The following HMGN3 variants were observed in gnomAD, a reference collection of about 807,000 sequenced individuals.
The protein encoded by HMGN3 is high mobility group nucleosomal binding domain 3.
Under a neutral mutation model 18.8 loss-of-function variants are expected in HMGN3, and 6 were observed. That is an observed-to-expected ratio of 0.32 (90% CI 0.18 to 0.63). HMGN3 has a LOEUF of 0.63. HMGN3 is among the 30% of genes least tolerant of loss of function. The pLI is 0.79. For synonymous variants in HMGN3, 40 were observed against 36.5 expected, an observed-to-expected ratio of 1.10 and a Z score of -0.35; for missense variants, 107 against 114.2, an observed-to-expected ratio of 0.94 and a Z score of 0.29.
Position 79,208,548 on chromosome 6 carries a change from G to C in HMGN3, c.95C>G (p.Ala32Gly), listed in dbSNP as rs755149736. 1.9e-5 allele frequency: 31 copies of C among 1,608,782 alleles called. No homozygotes were observed. The East Asian group carries it at 6.7e-4, about 35-fold the overall frequency. The change falls in exon 3 of 6, where the codon GCG (alanine) becomes GGG (glycine). Residue 32 changes from alanine (A) to glycine (G), a missense_variant and splice_region_variant. Physicochemically the swap from Ala to Gly is moderately conservative, Grantham distance 60. Transcript: ENST00000344726. ...CTGAAGTGGTTCTAAGGTACTTACC[G>C]CTGACAATCTGGCAGACCGTCTTGT...
intron 2 of HMGN3, among the ~76,000 whole-genome samples, chr6:79,212,178 C>G (rs2127821528): frequency 6.6e-6 from 1 of 152,120 alleles, no homozygotes; most frequent in South Asian, 2.1e-4. Context: ...ATTTTTAGGA[C>G]TGTCATAAAA....
At chr6:79,201,560 CT>C in exon 6 of HMGN3, 1 of 661,274 alleles carries the variant, frequency 1.5e-6, no homozygotes. Flanking sequence ...AATGTCCATC[CT>C]TATATATTTT....
intron 3 of HMGN3, among the ~76,000 whole-genome samples, chr6:79,208,010 A>T (rs1038872712): frequency 6.6e-6 from 1 of 152,190 alleles, no homozygotes; most frequent in Non-Finnish European, 1.5e-5. Flanking sequence ...TCAGAGGCTC[A>T]GCCACATCTG....
At chr6:79,201,818 A>G in intron 5 of HMGN3, 92 bp from the exon 7 acceptor site, 6 of 1,528,744 alleles carry the variant, frequency 3.9e-6, no homozygotes, top group Non-Finnish European at 5.2e-6. Flanking sequence ...ACAGTTTTGA[A>G]CATTTGTTTT....
intron 3 of HMGN3, among the ~76,000 whole-genome samples, chr6:79,207,155 A>G (rs188609140): frequency 6.6e-6 from 1 of 152,230 alleles, no homozygotes; most frequent in East Asian, 1.9e-4. Flanking sequence ...TGCTGAAATG[A>G]ATTAAGATTT....
chr6:79,231,846 T>C (rs1375710138), intron 1 of HMGN3, among the ~76,000 whole-genome samples: 1 of 152,222 alleles, frequency 6.6e-6, no homozygotes, highest in Non-Finnish European at 1.5e-5. Context: ...AGTTTTAATG[T>C]TATTCAACTG....
intron 1 of HMGN3, among the ~76,000 whole-genome samples, chr6:79,215,645 T>TG (rs1465355944): frequency 6.6e-6 from 1 of 152,210 alleles, no homozygotes; most frequent in Non-Finnish European, 1.5e-5. Flanking sequence ...ATCCATCCCC[T>TG]GGGGCAGCAC....
chr6:79,212,428 T>C (rs1383794949), intron 2 of HMGN3, among the ~76,000 whole-genome samples: 2 of 152,200 alleles, frequency 1.3e-5, no homozygotes, highest in Non-Finnish European at 2.9e-5. Flanking sequence ...TTACTCTCTC[T>C]CCCACTAAAA....
intron 1 of HMGN3, among the ~76,000 whole-genome samples, chr6:79,222,461 C>T (rs753065006): frequency 6.6e-6 from 1 of 152,164 alleles, no homozygotes; most frequent in Non-Finnish European, 1.5e-5. Flanking sequence ...ATTCTCTCCA[C>T]AAATGAGGGC....
At chr6:79,232,689 A>C (rs1429602973) in intron 1 of HMGN3, among the ~76,000 whole-genome samples, 2 of 152,186 alleles carry the variant, frequency 1.3e-5, no homozygotes, top group Middle Eastern at 3.4e-3. Flanking sequence ...CCTTGAATAA[A>C]CAGCAAGGAA....
At chr6:79,222,400 C>G (rs1357764240) in intron 1 of HMGN3, among the ~76,000 whole-genome samples, 1 of 152,136 alleles carries the variant, frequency 6.6e-6, no homozygotes, top group Non-Finnish European at 1.5e-5. Context: ...CTATACCTAA[C>G]TCTGTCGCTC....
chr6:79,214,866 C>T (rs1284250548), intron 2 of HMGN3, 106 bp downstream of exon 2: 7 of 701,390 alleles, frequency 1.0e-5, no homozygotes, highest in African/African-American at 1.8e-5. Context: ...TCATATTAAA[C>T]TTTGTTCATA....
intron 1 of HMGN3, among the ~76,000 whole-genome samples, chr6:79,225,536 C>T (rs1416447997): frequency 6.6e-6 from 1 of 152,136 alleles, no homozygotes. Flanking sequence ...TTAATATTTA[C>T]ATTAAAATCC....
At chr6:79,213,216 C>G (rs1053884431) in intron 2 of HMGN3, among the ~76,000 whole-genome samples, 1 of 151,584 alleles carries the variant, frequency 6.6e-6, no homozygotes, top group African/African-American at 2.4e-5. Context: ...CCCACTCCAG[C>G]CTGGATGACA....
intron 1 of HMGN3, among the ~76,000 whole-genome samples, chr6:79,220,754 C>T (rs1387374966): frequency 6.6e-6 from 1 of 152,084 alleles, no homozygotes; most frequent in Non-Finnish European, 1.5e-5. Context: ...ACCACTTATA[C>T]AAATTTTAGA....
intron 1 of HMGN3, among the ~76,000 whole-genome samples, chr6:79,219,135 AAAC>A (rs1180459471): frequency 1.3e-5 from 2 of 152,330 alleles, no homozygotes; most frequent in African/African-American, 4.8e-5. Context: ...AACAAACTGA[AAAC>A]AAAACAAAAC....
Position 79,230,152 on chromosome 6 carries a change from A to G in HMGN3, c.15+4394T>C, listed in dbSNP as rs577376267. On this transcript the variant is annotated intron_variant, in intron 1 of 5. Coordinates refer to ENST00000344726, the Ensembl canonical transcript of HMGN3. The stretch of plus-strand genomic sequence containing the variant: ...TATGCTACAACACAAACTGATCTCA[A>G]AAACATCATGCTGAGTGAAAAAATC... Among the ~76,000 whole-genome samples the G allele has an allele frequency of 7.2e-5, 11 of 152,344 alleles. No individual in the cohort carries two copies. In the South Asian group the frequency reaches 2.3e-3, roughly 32 times the overall value.
intron 1 of HMGN3, among the ~76,000 whole-genome samples, chr6:79,229,812 A>G (rs189209226): frequency 7.2e-4 from 109 of 152,140 alleles, no homozygotes; most frequent in African/African-American, 2.5e-3. Context: ...CGGGAGGCGG[A>G]GCTTGCAGTG....
rs539041516 is a variant in HMGN3, at chr6:79,211,193, C to T, written c.67-2617G>A. ...TCCAGTAGCTATCATAAGAGATTTTCGTTTTCACTGCAAACAGTGGAGGCT... is the reference window on the plus strand; with the variant it reads ...TCCAGTAGCTATCATAAGAGATTTTTGTTTTCACTGCAAACAGTGGAGGCT... On this transcript the variant is annotated intron_variant, in intron 2 of 5. Transcript: ENST00000344726. Among the ~76,000 whole-genome samples the T allele has an allele frequency of 2.4e-4, 36 of 152,138 alleles. No homozygotes were observed. The South Asian group carries it at 6.2e-3, about 26-fold the overall frequency.
Sources: gnomAD v4.1 joint callset for allele counts (sites outside exome capture counted in the v4.1 genomes callset) on GRCh38, gnomAD v4.1.1 for gene constraint, MANE v1.5 for transcripts, NCBI Gene and HGNC (gene_info 2026-07-23, HGNC 2026-07-21) for gene names.